Variants in SNTN observed in about 807,000 individuals in gnomAD.
SNTN encodes the protein sentan, cilia apical structure protein.
A neutral mutation model predicts 12.3 loss-of-function variants in SNTN; 13 were observed. The observed-to-expected ratio is 1.05, with a 90% confidence interval of 0.69 to 1.67. The LOEUF (loss-of-function observed/expected upper bound fraction) is 1.67, where lower values mean the gene tolerates loss of function less well. Among genes scored for constraint, SNTN ranks in the 40% most tolerant of loss-of-function variants. SNTN has a pLI of 0.00. For missense variants in SNTN, 189 were observed against 169.8 expected, an observed-to-expected ratio of 1.11 and a Z score of -0.63; for synonymous variants, 69 against 58.5, an observed-to-expected ratio of 1.18 and a Z score of -0.82.
chr3:63,663,832 G>A, intron 3 of SNTN, 105 bp from the exon 4 acceptor site: 1 of 1,372,820 alleles, frequency 7.3e-7, no homozygotes, highest in Non-Finnish European at 1.0e-6. Flanking sequence ...TCAGTCTCAG[G>A]TATTCTATTA....
intron 2 of SNTN, among the ~76,000 whole-genome samples, chr3:63,655,426 G>C (rs978321478): frequency 3.9e-5 from 6 of 151,986 alleles, no homozygotes; most frequent in African/African-American, 1.5e-4. Context: ...TAGATGACTA[G>C]CCAAACTCTC....
rs1332337194 is a variant in SNTN at position 63,664,016 on chromosome 3, A to G, written c.365A>G (p.Asp122Gly). The G allele has an allele frequency of 2.5e-6, 4 of 1,613,984 alleles. No individual in the cohort carries two copies. Among genetic ancestry groups the G allele is most frequent in the Non-Finnish European group, 3.4e-6 (4 of 1,179,890 alleles). The change falls in exon 4 of 4, where the codon GAC becomes GGC. Residue 122 changes from aspartate (D) to glycine (G), a missense_variant. Transcript: ENST00000343837. The stretch of plus-strand genomic sequence containing the variant: ...ACAGAAAATAAGCTAGATTTTGAAG[A>G]CTTCATGATCTTGCTCTTAAGCATC... Reference protein sequence around the residue: ...EHTENKLDFEDFMILLLSITV... With the variant: ...EHTENKLDFEGFMILLLSITV...
chr3:63,658,049 G>A (rs187990037), intron 2 of SNTN, among the ~76,000 whole-genome samples: 4 of 152,014 alleles, frequency 2.6e-5, no homozygotes, highest in Non-Finnish European at 4.4e-5. Flanking sequence ...CCTTTACACG[G>A]CCTACAAGTC....
At chr3:63,653,480 G>T (rs962000561) in intron 1 of SNTN, among the ~76,000 whole-genome samples, 4 of 152,052 alleles carry the variant, frequency 2.6e-5, no homozygotes, top group Non-Finnish European at 4.4e-5. Context: ...AGATAACACA[G>T]GGTCCAGCTT....
chr3:63,660,506 G>A (rs1240500320), intron 3 of SNTN, among the ~76,000 whole-genome samples: 1 of 152,166 alleles, frequency 6.6e-6, no homozygotes, highest in African/African-American at 2.4e-5. Context: ...AGAGAAAGAT[G>A]GTGATGGCTT....
chr3:63,653,821 A>C (rs1334934607), intron 1 of SNTN, among the ~76,000 whole-genome samples: 1 of 152,234 alleles, frequency 6.6e-6, no homozygotes, highest in Non-Finnish European at 1.5e-5. Context: ...CCCTTAGGAT[A>C]ATAACTGGCA....
chr3:63,655,244 A>C (rs925459581), intron 2 of SNTN, among the ~76,000 whole-genome samples: 15 of 152,180 alleles, frequency 9.9e-5, no homozygotes, highest in African/African-American at 3.6e-4. Context: ...CCTGGAAATC[A>C]ATTGCATAGG....
intron 2 of SNTN, among the ~76,000 whole-genome samples, chr3:63,657,655 GT>G (rs1559560570): frequency 6.6e-6 from 1 of 152,182 alleles, no homozygotes; most frequent in African/African-American, 2.4e-5. Context: ...AGAATGGGAA[GT>G]TGGCTAGACC....
intron 3 of SNTN, among the ~76,000 whole-genome samples, chr3:63,661,367 T>G (rs1700741709): frequency 6.6e-6 from 1 of 152,194 alleles, no homozygotes; most frequent in Non-Finnish European, 1.5e-5. Context: ...TTATTCTCTC[T>G]ATATATGCAC....
chr3:63,663,924 T>C lies in SNTN; in HGVS notation c.286-13T>C. The C allele has an allele frequency of 1.9e-6, 3 of 1,606,952 alleles. No homozygotes were observed. The highest frequency in any genetic ancestry group is 1.3e-5 in the African/African-American group (1 of 74,552). On this transcript the variant is annotated splice_polypyrimidine_tract_variant and intron_variant, in intron 3 of 3. Coordinates refer to ENST00000343837, the MANE Select transcript of SNTN (RefSeq NM_001080537.2). ...ATACAACGAATTCGGTTTTTATTTC[T>C]CCATTCTCACAGGGACAAGAAACCA...
chr3:63,659,976 T>A, intron 3 of SNTN, 112 bp downstream of exon 3: 1 of 1,281,016 alleles, frequency 7.8e-7, no homozygotes, highest in Non-Finnish European at 1.1e-6. Context: ...TAACAAATGT[T>A]TATTGAACAC....
rs568612804 is a variant in SNTN, at chr3:63,659,857, T to C, written c.278T>C (p.Phe93Ser). The C allele has an allele frequency of 1.2e-6, 2 of 1,614,016 alleles. No homozygotes were observed. The highest frequency in any genetic ancestry group is 3.3e-5 in the Admixed American group (2 of 60,012). ...CTGCTGCAAACCCAATTTAGGAATT[T>C]CGCAGAGGTGAGAGAATTAACTTGC... ...KDLLQTQFRN[F>S]AEGQETKPKY... The change falls in exon 3 of 4, where the codon TTC becomes TCC. Residue 93 changes from phenylalanine (F) to serine (S), a missense_variant. By Grantham distance (155) the Phe-to-Ser change is radical. Coordinates refer to ENST00000343837, the MANE Select transcript of SNTN (RefSeq NM_001080537.2).
chr3:63,659,028 G>T (rs1173923608), intron 2 of SNTN, among the ~76,000 whole-genome samples: 1 of 151,948 alleles, frequency 6.6e-6, no homozygotes, highest in Non-Finnish European at 1.5e-5. Flanking sequence ...TCTGTAAAGG[G>T]TGATAAGTTC....
At chr3:63,657,511 C>T (rs1700693230) in intron 2 of SNTN, among the ~76,000 whole-genome samples, 2 of 152,198 alleles carry the variant, frequency 1.3e-5, no homozygotes. Flanking sequence ...CGAATATCAT[C>T]AGTGTTATTA....
At position 63,654,768 on chromosome 3, in the gene SNTN, A is replaced by G. The variant is rs780887008; in HGVS notation, c.117A>G (p.Ser39=). The change falls in exon 2 of 4, where the codon TCA becomes TCG. Residue 39 remains serine, a synonymous_variant. Coordinates refer to ENST00000343837, the MANE Select transcript of SNTN (RefSeq NM_001080537.2). ...TCTTTCATTTTGTTGGCAGGATTTC[A>G]ATATCCAAACAACTGGCTTCAGTGA... is the stretch of plus-strand genomic sequence containing the variant. ...CAPRKMPKRI[S]ISKQLASVKA... The G allele has an allele frequency of 4.3e-6, 7 of 1,613,140 alleles. No individual in the cohort carries two copies. Among genetic ancestry groups the G allele is most frequent in the Non-Finnish European group, 5.9e-6 (7 of 1,179,498 alleles).
At chr3:63,660,907 A>T (rs964927155) in intron 3 of SNTN, among the ~76,000 whole-genome samples, 1 of 152,210 alleles carries the variant, frequency 6.6e-6, no homozygotes, top group Admixed American at 6.5e-5. Context: ...CCTAAAGGTT[A>T]CTACCTTACT....
intron 3 of SNTN, among the ~76,000 whole-genome samples, chr3:63,660,563 G>A (rs994334823): frequency 5.9e-5 from 9 of 152,136 alleles, no homozygotes; most frequent in Admixed American, 2.6e-4. Context: ...TAGAAGAGAC[G>A]TTTAGAAGGT....
chr3:63,663,662 C>G, intron 3 of SNTN: 1 of 484,240 alleles, frequency 2.1e-6, no homozygotes, highest in Middle Eastern at 3.0e-4. Flanking sequence ...CTCCTCTTGC[C>G]CCCTCTCTTG....
intron 3 of SNTN, among the ~76,000 whole-genome samples, chr3:63,660,541 TAAAC>T (rs746451609): frequency 2.0e-5 from 3 of 151,962 alleles, no homozygotes; most frequent in East Asian, 1.9e-4. Context: ...AAGATGGAGA[TAAAC>T]AAACAAATAG....
Sources: allele counts gnomAD v4.1 joint callset (sites outside exome capture counted in the v4.1 genomes callset), GRCh38; gene constraint gnomAD v4.1.1; transcripts MANE v1.5; gene names NCBI Gene and HGNC (gene_info 2026-07-23, HGNC 2026-07-21).